The following EIF4E3 variants were observed in gnomAD, a reference collection of about 807,000 sequenced individuals.
EIF4E3 encodes the protein eukaryotic translation initiation factor 4E family member 3.
EIF4E3 carries 26 observed loss-of-function variants against 31.7 expected under a neutral mutation model. The observed-to-expected ratio is 0.82, with a 90% CI of 0.60 to 1.14. EIF4E3 has a LOEUF of 1.14. Ranked by LOEUF, EIF4E3 falls within the 50% of genes most tolerant of loss-of-function variation. EIF4E3 has a pLI of 0.00. For missense variants in EIF4E3, 304 were observed against 270.9 expected, an observed-to-expected ratio of 1.12 and a Z score of -0.86; for synonymous variants, 128 against 107.7, an observed-to-expected ratio of 1.19 and a Z score of -1.17.
the EIF4E3 span, among the ~76,000 whole-genome samples, chr3:71,659,685 G>A: frequency 6.6e-6 from 1 of 152,050 alleles, no homozygotes; most frequent in Admixed American, 6.5e-5. Context: ...AACAATAAAG[G>A]TTCACCAATT....
chr3:71,745,665 G>A (rs2049864427), intron 1 of EIF4E3, among the ~76,000 whole-genome samples: 1 of 152,150 alleles, frequency 6.6e-6, no homozygotes, highest in African/African-American at 2.4e-5. Flanking sequence ...AGATGCTTAA[G>A]GAATAGGTTT....
chr3:71,730,976 A>C (rs1200281124), intron 1 of EIF4E3, among the ~76,000 whole-genome samples: 1 of 152,140 alleles, frequency 6.6e-6, no homozygotes, highest in Non-Finnish European at 1.5e-5. Context: ...CTCCCACAAC[A>C]GCCTTCCAAA....
At chr3:71,660,162 G>A in the EIF4E3 span, among the ~76,000 whole-genome samples, 3 of 152,252 alleles carry the variant, frequency 2.0e-5, no homozygotes, top group Admixed American at 6.5e-5. Context: ...GGGGTGGTGT[G>A]AGCAGAAAAT....
intron 1 of EIF4E3, among the ~76,000 whole-genome samples, chr3:71,723,364 CATT>C (rs2049580487): frequency 6.6e-6 from 1 of 152,158 alleles, no homozygotes; most frequent in Non-Finnish European, 1.5e-5. Flanking sequence ...TATTGGAACT[CATT>C]ATAATTTCTA....
chr3:71,683,266 GTC>G lies in EIF4E3; in HGVS notation c.*1414_*1415del, dbSNP rs1429675355. The G allele has an allele frequency of 6.6e-6, 1 of 152,214 alleles. No homozygotes were observed. Among genetic ancestry groups the G allele is most frequent in the Non-Finnish European group, 1.5e-5 (1 of 68,040 alleles). The allele number at this position is 152,214 out of a possible 1,614,324, so 9.4% of individuals were successfully genotyped here. ...TAGTGGAGGCTTAAAGTAGCCTCAA[GTC>G]TCTCTGCTGGTCAACACTGCAAGAG... is the stretch of plus-strand genomic sequence containing the variant. On this transcript the variant is annotated 3_prime_UTR_variant, in exon 7 of 7. Coordinates refer to ENST00000425534, the MANE Select transcript of EIF4E3 (RefSeq NM_001134651.2).
rs139320847 is a variant in EIF4E3 at position 71,711,840 on chromosome 3, G to A, written c.177-1356C>T. Among the ~76,000 whole-genome samples the A allele has an allele frequency of 2.5e-4, 38 of 152,138 alleles. No individual in the cohort carries two copies. The East Asian group carries it at 2.5e-3, about 10-fold the overall frequency. On this transcript the variant is annotated intron_variant, in intron 1 of 6. Transcript: ENST00000425534. Reference sequence around the variant, plus strand: ...AAAATTATTAATACAAAAATAAGCCGGGAGTGGTGGTGCTCACCTGCAGTC... The same window carrying A: ...AAAATTATTAATACAAAAATAAGCCAGGAGTGGTGGTGCTCACCTGCAGTC...
At chr3:71,691,362 C>T (rs1251108181) in intron 5 of EIF4E3, among the ~76,000 whole-genome samples, 1 of 152,188 alleles carries the variant, frequency 6.6e-6, no homozygotes, top group Non-Finnish European at 1.5e-5. Flanking sequence ...AAATAATCGG[C>T]AGTAAAGTAA....
At chr3:71,750,779 T>C (rs1578395921) in intron 1 of EIF4E3, among the ~76,000 whole-genome samples, 1 of 151,830 alleles carries the variant, frequency 6.6e-6, no homozygotes, top group African/African-American at 2.4e-5. Flanking sequence ...TTTTTTTTTT[T>C]TTGAGACGGA....
Position 71,678,001 on chromosome 3 carries a change from G to A in EIF4E3, c.*6681C>T, listed in dbSNP as rs2048887237. 1 of 152,132 alleles carries A rather than the reference G, an allele frequency of 6.6e-6. No individual in the cohort carries two copies. The highest frequency in any genetic ancestry group is 6.5e-5 in the Admixed American group (1 of 15,272). 9.4% of individuals were successfully genotyped at this position (152,132 alleles called of 1,614,324 possible). On this transcript the variant is annotated 3_prime_UTR_variant, in exon 7 of 7. Transcript: ENST00000425534. ...GCCCTATTATCAAATGTGTTCAACA[G>A]GGAAGTGTAAAAATAACAACAGTTA...
chr3:71,722,096 G>T (rs578093611), intron 1 of EIF4E3, among the ~76,000 whole-genome samples: 5 of 151,050 alleles, frequency 3.3e-5, no homozygotes, highest in South Asian at 4.2e-4. Context: ...TTTTCCTCGG[G>T]GGGGCGGGGG....
At chr3:71,753,888 C>T (rs905812772), upstream of EIF4E3, among the ~76,000 whole-genome samples, 5 of 148,648 alleles carry the variant, frequency 3.4e-5, no homozygotes, top group South Asian at 1.0e-3. Context: ...ACAGCGGCGG[C>T]TCGGGGAGCC....
chr3:71,715,573 G>GA (rs992528367), intron 1 of EIF4E3, among the ~76,000 whole-genome samples: 37 of 152,278 alleles, frequency 2.4e-4, no homozygotes, highest in African/African-American at 8.9e-4. Flanking sequence ...CAGAGCTGTG[G>GA]AAAATCACAG....
the EIF4E3 span, among the ~76,000 whole-genome samples, chr3:71,662,325 T>A: frequency 7.5e-4 from 104 of 138,256 alleles, 2 homozygotes; most frequent in South Asian, 0.021. Context: ...TGGGCAAGTC[T>A]CTGCACCTTT....
In EIF4E3 at chr3:71,680,434, A is replaced by G. The variant is rs2048910142; in HGVS notation, c.*4248T>C. 1 of 152,160 alleles carries G rather than the reference A, an allele frequency of 6.6e-6. No homozygotes were observed. The highest frequency in any genetic ancestry group is 1.5e-5 in the Non-Finnish European group (1 of 68,022). 9.4% of individuals were successfully genotyped at this position (152,160 alleles called of 1,614,324 possible). A position where few individuals can be genotyped will look rare whatever the true frequency, so the allele number is the denominator to read the frequency against. ...GTAGATGATCTCAAAGGTCCCTTCC[A>G]CTCTAAAATTCTAAGAGTCCCTGAA... On this transcript the variant is annotated 3_prime_UTR_variant, in exon 7 of 7. Coordinates refer to ENST00000425534, the MANE Select transcript of EIF4E3 (RefSeq NM_001134651.2).
chr3:71,700,227 G>A (rs2049196521), intron 2 of EIF4E3, among the ~76,000 whole-genome samples: 1 of 152,124 alleles, frequency 6.6e-6, no homozygotes, highest in South Asian at 2.1e-4. Context: ...GTTCCTTGCT[G>A]ATGCTGTGCC....
Position 71,684,511 on chromosome 3 carries a change from T to TC in EIF4E3, c.*170dup. ...TGTGACGGTAGAAACCCACACAATCTCCCCCCACCCCACCTGCCACTTTGA... is the reference window on the plus strand; with the variant it reads ...TGTGACGGTAGAAACCCACACAATCTCCCCCCCACCCCACCTGCCACTTTGA... On this transcript the variant is annotated 3_prime_UTR_variant, in exon 7 of 7. Transcript: ENST00000425534. The TC allele has an allele frequency of 1.9e-6, 1 of 531,860 alleles. No homozygotes were observed. The highest frequency in any genetic ancestry group is 3.1e-6 in the Non-Finnish European group (1 of 320,932). 32.9% of individuals were successfully genotyped at this position (531,860 alleles called of 1,614,324 possible).
chr3:71,702,666 T>C (rs1013250129), intron 2 of EIF4E3, among the ~76,000 whole-genome samples: 2 of 151,722 alleles, frequency 1.3e-5, no homozygotes, highest in Non-Finnish European at 2.9e-5. Flanking sequence ...TATTTGTACG[T>C]TTTTGCTGAG....
At chr3:71,670,012 A>G in the EIF4E3 span, among the ~76,000 whole-genome samples, 1 of 152,196 alleles carries the variant, frequency 6.6e-6, no homozygotes. Flanking sequence ...TAAAACCACA[A>G]ACCTTCAGTG....
At chr3:71,725,478 G>T, upstream of EIF4E3, 2 of 591,296 alleles carry the variant, frequency 3.4e-6, no homozygotes, top group South Asian at 1.4e-4. The surrounding 1 kb of genome is among the most constrained non-coding windows in gnomAD (Gnocchi z 6.1). Context: ...CCCCGCCCCG[G>T]GCTAGCCGCC....
Sources: allele counts gnomAD v4.1 joint callset (sites outside exome capture counted in the v4.1 genomes callset), GRCh38; gene constraint gnomAD v4.1.1; non-coding constraint Gnocchi (gnomAD v3.1); transcripts MANE v1.5; gene names NCBI Gene and HGNC (gene_info 2026-07-23, HGNC 2026-07-21).